SLC26A8: variants seen among roughly 807,000 people sequenced by gnomAD.
SLC26A8 encodes testis anion transporter 1.
In SLC26A8, 70 loss-of-function variants were observed where a neutral mutation model predicts 105.0. That is an observed-to-expected ratio of 0.67 (90% CI 0.55 to 0.81). The LOEUF (loss-of-function observed/expected upper bound fraction) is 0.81, where lower values mean the gene tolerates loss of function less well. SLC26A8 is among the 40% of genes least tolerant of loss of function. The pLI is 0.00. For synonymous variants in SLC26A8, 415 were observed against 438.3 expected (o/e 0.95, Z 0.66); for missense variants, 998 against 1,181.8 (o/e 0.84, Z 2.28).
chr6:36,023,822 G>A (rs1762188544), intron 1 of SLC26A8, among the ~76,000 whole-genome samples: 1 of 152,132 alleles, frequency 6.6e-6, no homozygotes, highest in Admixed American at 6.6e-5. Flanking sequence ...ATACAGAAAA[G>A]GTATAAGCAA....
At chr6:35,958,403 G>T (rs201334939) in intron 16 of SLC26A8, among the ~76,000 whole-genome samples, 1 of 152,098 alleles carries the variant, frequency 6.6e-6, no homozygotes, top group East Asian at 1.9e-4. Context: ...GGGGCTGTTA[G>T]AATCTAAACA....
At chr6:36,014,669 C>T (rs1326928404) in intron 2 of SLC26A8, among the ~76,000 whole-genome samples, 1 of 152,072 alleles carries the variant, frequency 6.6e-6, no homozygotes, top group East Asian at 1.9e-4. Flanking sequence ...ATCACAAGGT[C>T]AGGAGTTCGA....
At chr6:35,982,331 A>C (rs956583464) in intron 7 of SLC26A8, 128 bp from the exon 8 acceptor site, 14 of 803,496 alleles carry the variant, frequency 1.7e-5, no homozygotes, top group Non-Finnish European at 4.1e-6. Context: ...GTCCCTATGC[A>C]TGCAAGTTGG....
chr6:35,994,112 T>A (rs1007376056), intron 5 of SLC26A8, among the ~76,000 whole-genome samples: 1 of 97,970 alleles, frequency 1.0e-5, no homozygotes, highest in Non-Finnish European at 2.3e-5. Flanking sequence ...TTTTTTTTTC[T>A]TTTCTTTTTT....
rs746269757 is a variant in SLC26A8 at position 35,944,198 on chromosome 6, A to T, written c.2615T>A (p.Leu872Gln). 3.1e-6 allele frequency: 5 copies of T among 1,613,972 alleles called. No homozygotes were observed. Among genetic ancestry groups the T allele is most frequent in the Non-Finnish European group, 4.2e-6 (5 of 1,179,898 alleles). The change falls in exon 20 of 20, where the codon CTG becomes CAG. Residue 872 changes from leucine to glutamine, a missense_variant. By Grantham distance (113) the Leu-to-Gln change is moderately radical. Transcript: ENST00000490799. ...LELESEQEAG[L>Q]GLDLDLDREL... ...CCGATCCAGGTCTAGGTCCAGACCC[A>T]GCCCAGCCTCTTGTTCTGATTCCAG...
intron 4 of SLC26A8, 56 bp from the exon 5 acceptor site, chr6:35,997,975 T>C (rs574665151): frequency 7.3e-6 from 11 of 1,513,252 alleles, no homozygotes; most frequent in South Asian, 7.0e-5. Flanking sequence ...TAAACTGATA[T>C]TGACAAAAGC....
chr6:35,944,940 C>T lies in SLC26A8; in HGVS notation c.2473-600G>A, dbSNP rs527730824. On this transcript the variant is annotated intron_variant, in intron 19 of 19. Transcript: ENST00000490799. ...TCTTGGCTCACTGCAACCTCTACTT[C>T]CCGAATTCAAGTGATTCTCTTGCCT... is the stretch of plus-strand genomic sequence containing the variant. Among the ~76,000 whole-genome samples the T allele has an allele frequency of 1.6e-3, 240 of 152,222 alleles. 1 individual carries two copies. The highest frequency in any genetic ancestry group is 0.01 in the Middle Eastern group (3 of 294).
intron 11 of SLC26A8, among the ~76,000 whole-genome samples, chr6:35,964,132 C>T (rs1772412981): frequency 6.6e-6 from 1 of 152,114 alleles, no homozygotes; most frequent in African/African-American, 2.4e-5. Context: ...CCACTTAAGC[C>T]TGGGAGATGG....
rs34171959 is a variant in SLC26A8, at chr6:35,964,966, C to CAAA, written c.1366-2348_1366-2346dup. 3.3e-3 allele frequency among the ~76,000 whole-genome samples: 403 copies of CAAA among 122,934 alleles called. 5 individuals carry two copies. The highest frequency in any genetic ancestry group is 0.01 in the African/African-American group (378 of 36,728). The allele number at this position is 122,934 out of a possible 152,430, so 80.6% of individuals were successfully genotyped here. ...TGGGCAAGAGAGTGAGACCATGTCT[C>CAAA]AAAAAAAAAAAAAAGAAAATGGTAG... On this transcript the variant is annotated intron_variant, in intron 11 of 19. Transcript: ENST00000490799.
Position 35,951,290 on chromosome 6 carries a change from G to A in SLC26A8, c.2345C>T (p.Thr782Ile). Residue 782 changes from threonine to isoleucine, a missense_variant, in exon 19 of 20, where the codon ACC becomes ATC. Coordinates refer to ENST00000490799, the MANE Select transcript of SLC26A8 (RefSeq NM_052961.4). ...GTCGTGAACGCTGAGGAACAGCTGG[G>A]TCTTGGTGATGCCAGCGTCAAAGAA... ...NDFFDAGITK[T>I]QLFLSVHDAV... The A allele has an allele frequency of 6.2e-7, 1 of 1,614,120 alleles. No homozygotes were observed. Among genetic ancestry groups the A allele is most frequent in the Non-Finnish European group, 8.5e-7 (1 of 1,180,036 alleles).
At chr6:35,979,795 A>AG (rs976408545) in intron 8 of SLC26A8, among the ~76,000 whole-genome samples, 42 of 152,332 alleles carry the variant, frequency 2.8e-4, no homozygotes, top group African/African-American at 9.4e-4. Context: ...ACATGGACAC[A>AG]GCAGGAGCTA....
At chr6:35,959,828 T>C (rs751118289) in intron 14 of SLC26A8, 22 bp from the exon 15 acceptor site, 14 of 1,565,266 alleles carry the variant, frequency 8.9e-6, no homozygotes, top group Non-Finnish European at 1.1e-5. Flanking sequence ...AATGTGAAGT[T>C]GAGGGAAATT....
chr6:35,943,683 G>A lies in SLC26A8; in HGVS notation c.*217C>T, dbSNP rs573602509. 9 of 614,044 alleles carry A rather than the reference G, an allele frequency of 1.5e-5. No homozygotes were observed. In the South Asian group the frequency reaches 2.2e-4, roughly 15 times the overall value. The allele number at this position is 614,044 out of a possible 1,614,324, so 38.0% of individuals were successfully genotyped here. On this transcript the variant is annotated 3_prime_UTR_variant, in exon 20 of 20. Coordinates refer to ENST00000490799, the MANE Select transcript of SLC26A8 (RefSeq NM_052961.4). ...GCTGAAGGTGAAATGAGGGGAGCCT[G>A]GATAGGGAATTCAGAGATAATTGTT... is the stretch of plus-strand genomic sequence containing the variant.
At chr6:35,979,337 G>A (rs1016969415) in intron 8 of SLC26A8, among the ~76,000 whole-genome samples, 4 of 152,026 alleles carry the variant, frequency 2.6e-5, no homozygotes, top group South Asian at 2.1e-4. Flanking sequence ...TTAGCCGGGC[G>A]TGGTGGCAGG....
chr6:36,020,769 A>C (rs1762110025), intron 1 of SLC26A8, among the ~76,000 whole-genome samples: 1 of 152,336 alleles, frequency 6.6e-6, no homozygotes, highest in African/African-American at 2.4e-5. Flanking sequence ...TAAACTCTAA[A>C]ATTCTTCCAC....
chr6:35,977,193 A>G lies in SLC26A8; in HGVS notation c.1173+11T>C. 6.2e-7 allele frequency: 1 copy of G among 1,609,348 alleles called. No homozygotes were observed. Among genetic ancestry groups the G allele is most frequent in the Non-Finnish European group, 8.5e-7 (1 of 1,178,074 alleles). ...AGAGTTAAGGATCAGAGGAAGTAGTAGTCCTCTCACCTGGTTGGAATTGAC... is the reference window on the plus strand; with the variant it reads ...AGAGTTAAGGATCAGAGGAAGTAGTGGTCCTCTCACCTGGTTGGAATTGAC... On this transcript the variant is annotated intron_variant, in intron 9 of 19. Coordinates refer to ENST00000490799, the MANE Select transcript of SLC26A8 (RefSeq NM_052961.4).
chr6:35,950,428 A>G (rs957973549), intron 19 of SLC26A8, among the ~76,000 whole-genome samples: 1 of 152,020 alleles, frequency 6.6e-6, no homozygotes, highest in African/African-American at 2.4e-5. Context: ...CTGGGACTAC[A>G]GGTGCCCGCC....
At position 35,982,203 on chromosome 6, in the gene SLC26A8, T is replaced by G. The variant is rs1773299469; in HGVS notation, c.943A>C (p.Ile315Leu). Residue 315 changes from isoleucine (I) to leucine (L), a missense_variant and splice_region_variant, in exon 8 of 20, where the codon ATT becomes CTT. Coordinates refer to ENST00000490799, the MANE Select transcript of SLC26A8 (RefSeq NM_052961.4). ...TTTGCAATCACAGTGAAGCCAATAATCTGTAGGGGGTAAAAAAAGAAGGGA... is the reference window on the plus strand; with the variant it reads ...TTTGCAATCACAGTGAAGCCAATAAGCTGTAGGGGGTAAAAAAAGAAGGGA... The part of the protein sequence containing the change: ...PIEFPMELFL[I>L]IGFTVIANKI... 1 of 1,613,664 alleles carries G rather than the reference T, an allele frequency of 6.2e-7. No individual in the cohort carries two copies. The highest frequency in any genetic ancestry group is 8.5e-7 in the Non-Finnish European group (1 of 1,179,912).
intron 16 of SLC26A8, 26 bp downstream of exon 16, chr6:35,959,434 C>T (rs941622475): frequency 1.3e-6 from 2 of 1,579,612 alleles, no homozygotes; most frequent in Non-Finnish European, 1.7e-6. Flanking sequence ...TGGAGAAAAA[C>T]ATAGGAAAGA....
Sources: allele counts gnomAD v4.1 joint callset (sites outside exome capture counted in the v4.1 genomes callset), GRCh38; gene constraint gnomAD v4.1.1; transcripts MANE v1.5; gene names NCBI Gene and HGNC (gene_info 2026-07-23, HGNC 2026-07-21).